Variants in FAM3D observed in about 807,000 individuals in gnomAD.
FAM3D encodes FAM3 metabolism regulating signaling molecule D, also known as protein FAM3D.
A neutral mutation model predicts 29.8 loss-of-function variants in FAM3D; 26 were observed. The ratio of observed to expected loss-of-function variants is 0.87; its 90% CI spans 0.64 to 1.21. FAM3D has a LOEUF of 1.21. Among genes scored for constraint, FAM3D ranks in the 50% most tolerant of loss-of-function variants. FAM3D has a pLI of 0.00. For missense variants in FAM3D, 253 were observed against 290.9 expected, an observed-to-expected ratio of 0.87 and a Z score of 0.95; for synonymous variants, 115 against 102.3, an observed-to-expected ratio of 1.12 and a Z score of -0.75.
chr3:58,636,313 C>G lies in FAM3D; in HGVS notation c.566G>C (p.Gly189Ala). 6.2e-7 allele frequency: 1 copy of G among 1,614,134 alleles called. No homozygotes were observed. Among genetic ancestry groups the G allele is most frequent in the Middle Eastern group, 1.7e-4 (1 of 6,024 alleles). Residue 189 changes from glycine to alanine, a missense_variant, in exon 9 of 10, where the codon GGT (glycine) becomes GCT (alanine). Gly to Ala is a moderately conservative substitution (Grantham distance 60, BLOSUM62 0). Transcript: ENST00000358781. ...WVFIGAKDLR[G>A]KSPFEQFLKN... Reference sequence around the variant, plus strand: ...ACCCACCTGCTCAAAGGGGCTTTTACCCCTGAGGTCTTTGGCTCCTATGAA... The same window carrying G: ...ACCCACCTGCTCAAAGGGGCTTTTAGCCCTGAGGTCTTTGGCTCCTATGAA...
chr3:58,639,460 G>A (rs989721538), intron 7 of FAM3D, among the ~76,000 whole-genome samples: 1 of 152,288 alleles, frequency 6.6e-6, no homozygotes, highest in African/African-American at 2.4e-5. Context: ...CCCAGGCCAC[G>A]CTGAACATCA....
intron 4 of FAM3D, among the ~76,000 whole-genome samples, chr3:58,646,106 TG>T (rs2066472228): frequency 1.3e-5 from 2 of 152,202 alleles, no homozygotes; most frequent in African/African-American, 2.4e-5. Context: ...ATCTGCAAAA[TG>T]GGGTATCTGT....
intron 6 of FAM3D, among the ~76,000 whole-genome samples, chr3:58,641,542 A>T (rs1484390571): frequency 6.6e-6 from 1 of 151,768 alleles, no homozygotes; most frequent in Non-Finnish European, 1.5e-5. Context: ...TTTTGTAGAG[A>T]CGGGGCGGAT....
intron 1 of FAM3D, among the ~76,000 whole-genome samples, chr3:58,662,198 A>G (rs1363216960): frequency 6.6e-6 from 1 of 152,206 alleles, no homozygotes; most frequent in African/African-American, 2.4e-5. Flanking sequence ...CTGCTGGCCT[A>G]TTGGAATCAC....
chr3:58,649,450 C>A, intron 3 of FAM3D, 112 bp from the exon 4 acceptor site: 1 of 1,315,874 alleles, frequency 7.6e-7, no homozygotes, highest in East Asian at 2.5e-5. Flanking sequence ...AAATTGGCGC[C>A]ATTGAAATGA....
At position 58,646,950 on chromosome 3, in the gene FAM3D, C is replaced by A. The variant is rs534323828; in HGVS notation, c.146-1324G>T. On this transcript the variant is annotated intron_variant, in intron 4 of 9. Coordinates refer to ENST00000358781, the MANE Select transcript of FAM3D (RefSeq NM_138805.3). Reference sequence around the variant, plus strand: ...AGGGCCCTCCCTGGTCTATAGGGAGCTTTTAGGTGAATCAGGAAAATGCAC... The same window carrying A: ...AGGGCCCTCCCTGGTCTATAGGGAGATTTTAGGTGAATCAGGAAAATGCAC... Among the ~76,000 whole-genome samples the A allele has an allele frequency of 2.6e-5, 4 of 152,274 alleles. No individual in the cohort carries two copies. In the East Asian group the frequency reaches 7.7e-4, roughly 29 times the overall value.
intron 1 of FAM3D, among the ~76,000 whole-genome samples, chr3:58,665,378 C>T (rs2067010322): frequency 6.6e-6 from 1 of 152,064 alleles, no homozygotes; most frequent in Admixed American, 6.5e-5. Context: ...CCAATCTTTT[C>T]CTCCCCTGCC....
intron 9 of FAM3D, 149 bp downstream of exon 9, chr3:58,636,145 G>A: frequency 7.8e-7 from 1 of 1,285,178 alleles, no homozygotes; most frequent in Non-Finnish European, 1.1e-6. Flanking sequence ...AGACCACCCT[G>A]GCCTTTGGAG....
At chr3:58,651,564 G>A (rs2066637840) in intron 3 of FAM3D, among the ~76,000 whole-genome samples, 1 of 152,156 alleles carries the variant, frequency 6.6e-6, no homozygotes, top group African/African-American at 2.4e-5. Context: ...GGGTCCCTGG[G>A]GCCAAACACA....
At chr3:58,647,048 A>G (rs2066504106) in intron 4 of FAM3D, among the ~76,000 whole-genome samples, 1 of 152,134 alleles carries the variant, frequency 6.6e-6, no homozygotes, top group South Asian at 2.1e-4. Context: ...TGCCCCTTCT[A>G]GGAGCAAATG....
At position 58,635,529 on chromosome 3, in the gene FAM3D, C is replaced by T. The variant is rs1192024561; in HGVS notation, c.585+765G>A. Among the ~76,000 whole-genome samples, 4 of 152,194 alleles carry T rather than the reference C, an allele frequency of 2.6e-5. No homozygotes were observed. The highest frequency in any genetic ancestry group is 4.4e-5 in the Non-Finnish European group (3 of 68,048). Reference sequence around the variant, plus strand: ...TGCCGGTTCCCCTGGGTCTGGAGCCCACGCTTTGGGGCAGGAAAGCACCAC... The same window carrying T: ...TGCCGGTTCCCCTGGGTCTGGAGCCTACGCTTTGGGGCAGGAAAGCACCAC... On this transcript the variant is annotated intron_variant, in intron 9 of 9. Transcript: ENST00000358781. This position sits in a 1 kb window ranked among gnomAD's most constrained non-coding sequence, Gnocchi z 5.2.
At chr3:58,665,417 T>C (rs1038426631) in intron 1 of FAM3D, among the ~76,000 whole-genome samples, 10 of 152,154 alleles carry the variant, frequency 6.6e-5, no homozygotes, top group African/African-American at 2.4e-4. Flanking sequence ...CGGCATTCTC[T>C]TGGGAGAAGT....
chr3:58,653,591 C>T, intron 3 of FAM3D, 83 bp downstream of exon 3: 1 of 1,297,804 alleles, frequency 7.7e-7, no homozygotes, highest in South Asian at 1.2e-5. Context: ...TCTCCTGGGT[C>T]ACCTAGGGAT....
intron 1 of FAM3D, among the ~76,000 whole-genome samples, chr3:58,655,964 T>C (rs1316176984): frequency 6.6e-6 from 1 of 152,196 alleles, no homozygotes; most frequent in Non-Finnish European, 1.5e-5. Flanking sequence ...AACCCATCAG[T>C]TGATTAATCC....
intron 7 of FAM3D, 70 bp from the exon 8 acceptor site, chr3:58,637,295 C>T: frequency 1.4e-6 from 2 of 1,417,164 alleles, no homozygotes; most frequent in South Asian, 2.5e-5. Flanking sequence ...TGCTTGTCTA[C>T]TGCCCCATGA....
chr3:58,649,180 A>T, intron 4 of FAM3D, 135 bp downstream of exon 4: 1 of 1,105,100 alleles, frequency 9.0e-7, no homozygotes, highest in Non-Finnish European at 1.3e-6. Context: ...GACTGGGAAG[A>T]ATCAGGAAGC....
At chr3:58,650,776 G>A (rs1044662353) in intron 3 of FAM3D, among the ~76,000 whole-genome samples, 5 of 152,232 alleles carry the variant, frequency 3.3e-5, no homozygotes, top group Admixed American at 1.3e-4. Context: ...GGAGTGCAGT[G>A]GCGCGATCTC....
rs1316375436 is a variant in FAM3D at position 58,659,959 on chromosome 3, A to AG, written c.-38-4359dup. On this transcript the variant is annotated intron_variant, in intron 1 of 9. Transcript: ENST00000358781. ...GACAGAGTGTGGTCACCAGAGGCAG[A>AG]GGGGTTCCATCAGTTCTTCCTCTTC... Among the ~76,000 whole-genome samples the AG allele has an allele frequency of 4.6e-5, 7 of 152,316 alleles. 1 individual carries two copies. The South Asian group carries it at 1.2e-3, about 27-fold the overall frequency.
intron 4 of FAM3D, among the ~76,000 whole-genome samples, chr3:58,648,520 G>A (rs1004968198): frequency 3.9e-5 from 6 of 152,142 alleles, no homozygotes; most frequent in African/African-American, 1.4e-4. Flanking sequence ...ACTTCTCGGT[G>A]CCTTAGTTTC....
Sources: gnomAD v4.1 joint callset for allele counts (sites outside exome capture counted in the v4.1 genomes callset) on GRCh38, gnomAD v4.1.1 for gene constraint, Gnocchi (gnomAD v3.1) non-coding constraint, MANE v1.5 for transcripts, NCBI Gene and HGNC (gene_info 2026-07-23, HGNC 2026-07-21) for gene names.